NUDCD1: variants seen among roughly 807,000 people sequenced by gnomAD.
NUDCD1 encodes NudC domain containing 1.
NUDCD1 carries 60 observed loss-of-function variants against 67.8 expected under a neutral mutation model. The ratio of observed to expected loss-of-function variants is 0.88; its 90% CI spans 0.72 to 1.10. The LOEUF (loss-of-function observed/expected upper bound fraction) is 1.10. Among genes scored for constraint, NUDCD1 ranks in the 50% least tolerant of loss-of-function variants. NUDCD1 has a pLI of 0.00. For synonymous variants in NUDCD1, 244 were observed against 230.8 expected, an observed-to-expected ratio of 1.06 and a Z score of -0.52; for missense variants, 643 against 695.0, an observed-to-expected ratio of 0.93 and a Z score of 0.84.
At chr8:109,321,566 C>A (rs1409176488) in intron 2 of NUDCD1, among the ~76,000 whole-genome samples, 1 of 151,738 alleles carries the variant, frequency 6.6e-6, no homozygotes, top group African/African-American at 2.4e-5. Flanking sequence ...AAAGTAGGAA[C>A]AAAGACACCA....
At chr8:109,298,885 G>A (rs1184801200) in intron 2 of NUDCD1, 1 of 152,204 alleles carries the variant, frequency 6.6e-6, no homozygotes, top group Non-Finnish European at 1.5e-5. Flanking sequence ...ACCCTCTGAA[G>A]GAAGTGGATT....
intron 2 of NUDCD1, among the ~76,000 whole-genome samples, chr8:109,319,800 G>A (rs933650671): frequency 6.6e-6 from 1 of 152,100 alleles, no homozygotes; most frequent in Non-Finnish European, 1.5e-5. Context: ...ATTTCATCAG[G>A]GAGCCTGCCC....
At chr8:109,281,411 T>A (rs1434965377) in intron 5 of NUDCD1, among the ~76,000 whole-genome samples, 1 of 152,128 alleles carries the variant, frequency 6.6e-6, no homozygotes, top group Non-Finnish European at 1.5e-5. Context: ...ACTCATAAAA[T>A]ACTAATGATA....
intron 6 of NUDCD1, among the ~76,000 whole-genome samples, chr8:109,278,091 C>T (rs1018132386): frequency 2.0e-5 from 3 of 152,132 alleles, no homozygotes; most frequent in African/African-American, 7.2e-5. Flanking sequence ...TGTGTAAAAA[C>T]ATCTAAGTTA....
chr8:109,267,477 T>C (rs1436208863), intron 8 of NUDCD1, among the ~76,000 whole-genome samples: 1 of 152,210 alleles, frequency 6.6e-6, no homozygotes, highest in African/African-American at 2.4e-5. Context: ...TTGTGGAAAG[T>C]AGTTTGGAGA....
At chr8:109,270,555 T>C (rs1374683170) in intron 8 of NUDCD1, among the ~76,000 whole-genome samples, 1 of 152,122 alleles carries the variant, frequency 6.6e-6, no homozygotes, top group Non-Finnish European at 1.5e-5. Flanking sequence ...ATGACAGAGA[T>C]TTTTAAAAAT....
chr8:109,298,676 A>T (rs1370540484), intron 2 of NUDCD1: 1 of 152,296 alleles, frequency 6.6e-6, no homozygotes. Context: ...TGTATAACAT[A>T]AAAAAAGCCC....
chr8:109,321,697 C>T (rs1779964141), intron 2 of NUDCD1, among the ~76,000 whole-genome samples: 1 of 151,832 alleles, frequency 6.6e-6, no homozygotes, highest in South Asian at 2.1e-4. Context: ...GAAAGACTGT[C>T]ATATGGAAAA....
intron 1 of NUDCD1, among the ~76,000 whole-genome samples, chr8:109,332,203 T>A (rs997752325): frequency 6.6e-6 from 1 of 152,088 alleles, no homozygotes. Context: ...GATAAGTACG[T>A]CTTATGGAGA....
intron 5 of NUDCD1, among the ~76,000 whole-genome samples, chr8:109,288,747 A>G (rs1040860421): frequency 7.9e-5 from 12 of 152,246 alleles, no homozygotes; most frequent in African/African-American, 2.9e-4. Context: ...CAAAAAGGTA[A>G]AACTAATTTT....
At chr8:109,301,291 C>A (rs1013683604) in intron 2 of NUDCD1, among the ~76,000 whole-genome samples, 1 of 152,174 alleles carries the variant, frequency 6.6e-6, no homozygotes, top group African/African-American at 2.4e-5. Flanking sequence ...TCTCCCCCCG[C>A]CCTTAAGAAG....
chr8:109,304,486 C>A (rs1030927145), intron 2 of NUDCD1, among the ~76,000 whole-genome samples: 4 of 152,188 alleles, frequency 2.6e-5, no homozygotes, highest in Non-Finnish European at 5.9e-5. Context: ...TACTGCTCTG[C>A]CACCCTCCAC....
chr8:109,284,783 C>A (rs1172305403), intron 5 of NUDCD1, among the ~76,000 whole-genome samples: 1 of 151,216 alleles, frequency 6.6e-6, no homozygotes, highest in Non-Finnish European at 1.5e-5. Context: ...CAAATTAACA[C>A]CAAAGCTAGC....
At chr8:109,244,398 T>C (rs150036651) in intron 9 of NUDCD1, among the ~76,000 whole-genome samples, 2 of 152,226 alleles carry the variant, frequency 1.3e-5, no homozygotes, top group African/African-American at 4.8e-5. Context: ...GATGATATGA[T>C]AGAGCTTTCT....
At chr8:109,255,622 G>C (rs1470922395) in intron 8 of NUDCD1, among the ~76,000 whole-genome samples, 2 of 146,168 alleles carry the variant, frequency 1.4e-5, no homozygotes, top group Non-Finnish European at 3.0e-5. Context: ...ACATATAAAT[G>C]TTACCAGATA....
In NUDCD1 at chr8:109,289,955, A is replaced by G. The variant is rs766199415; in HGVS notation, c.641-22T>C. ...TTATCTGTAAGAAAAGTATTTCAGA[A>G]CAAAACATTACAAATAAAAACTATT... On this transcript the variant is annotated intron_variant, in intron 4 of 9. Transcript: ENST00000239690. 3.8e-6 allele frequency: 4 copies of G among 1,046,638 alleles called. No individual in the cohort carries two copies. The South Asian group carries it at 7.1e-5, about 18-fold the overall frequency. The allele number at this position is 1,046,638 out of a possible 1,614,324, so 64.8% of individuals were successfully genotyped here. A position where few individuals can be genotyped will look rare whatever the true frequency, so the allele number is the denominator to read the frequency against.
At chr8:109,273,208 AGT>A (rs35968713) in intron 7 of NUDCD1, among the ~76,000 whole-genome samples, 54,581 of 151,816 alleles carry the variant, frequency 0.36, 10,605 homozygotes, top group South Asian at 0.5. Flanking sequence ...AGTGCTTGGG[AGT>A]CAAAAATTAG....
At chr8:109,271,477 G>A (rs1346825327) in intron 7 of NUDCD1, among the ~76,000 whole-genome samples, 1 of 152,084 alleles carries the variant, frequency 6.6e-6, no homozygotes, top group Non-Finnish European at 1.5e-5. Flanking sequence ...ATTAGACACT[G>A]CAGGAGAAAA....
Position 109,245,424 on chromosome 8 carries a change from G to T in NUDCD1, c.1357C>A (p.Pro453Thr), listed in dbSNP as rs1813470843. The stretch of plus-strand genomic sequence containing the variant: ...ACATCATGGCGCAAACAGAAGCAGG[G>T]CATTTCTTTAGGATCCACTATGACA... ...FSVIVDPKEMPCFCLRHDVDA... is the reference protein window; with the variant it reads ...FSVIVDPKEMTCFCLRHDVDA... Residue 453 changes from proline (P) to threonine (T), a missense_variant, in exon 9 of 10, where the codon CCC (proline) becomes ACC (threonine). Pro to Thr is a conservative substitution (Grantham distance 38, BLOSUM62 -1). Coordinates refer to ENST00000239690, the MANE Select transcript of NUDCD1 (RefSeq NM_032869.4). 6.2e-7 allele frequency: 1 copy of T among 1,613,594 alleles called. No individual in the cohort carries two copies. Among genetic ancestry groups the T allele is most frequent in the Non-Finnish European group, 8.5e-7 (1 of 1,179,832 alleles).
Sources: allele counts gnomAD v4.1 joint callset (sites outside exome capture counted in the v4.1 genomes callset), GRCh38; gene constraint gnomAD v4.1.1; transcripts MANE v1.5; gene names NCBI Gene and HGNC (gene_info 2026-07-23, HGNC 2026-07-21).